TMPRSS15: variants seen among roughly 807,000 people sequenced by gnomAD.
TMPRSS15 encodes transmembrane serine protease 15.
TMPRSS15 carries 128 observed loss-of-function variants against 125.3 expected under a neutral mutation model. The ratio of observed to expected loss-of-function variants is 1.02; its 90% CI spans 0.89 to 1.18. The LOEUF (loss-of-function observed/expected upper bound fraction) is 1.18, where lower values mean the gene tolerates loss of function less well. Ranked by LOEUF, TMPRSS15 falls within the 50% of genes most tolerant of loss-of-function variation. The probability of loss-of-function intolerance (pLI) is 0.00; values close to 1 mark genes in which losing one functional copy is unlikely to be tolerated. For synonymous variants in TMPRSS15, 446 were observed against 423.2 expected, an observed-to-expected ratio of 1.05 and a Z score of -0.66; for missense variants, 1,283 against 1,212.7, an observed-to-expected ratio of 1.06 and a Z score of -0.86.
intron 1 of TMPRSS15, among the ~76,000 whole-genome samples, chr21:18,464,736 A>G (rs149163373): frequency 0.022 from 3,364 of 152,306 alleles, 54 homozygotes; most frequent in Non-Finnish European, 0.032. Context: ...TGAATAGACC[A>G]ATAACAATTT....
At chr21:18,434,181 A>G (rs1002066027) in intron 1 of TMPRSS15, among the ~76,000 whole-genome samples, 6 of 152,216 alleles carry the variant, frequency 3.9e-5, no homozygotes, top group African/African-American at 7.2e-5. Context: ...AGCTACTTCA[A>G]TAAAAGGAAG....
chr21:18,358,288 A>C (rs899119147), intron 8 of TMPRSS15, among the ~76,000 whole-genome samples: 1 of 151,908 alleles, frequency 6.6e-6, no homozygotes, highest in Non-Finnish European at 1.5e-5. Flanking sequence ...AGGGATGATA[A>C]TATCACCTAC....
At chr21:18,470,443 A>T (rs930127364) in intron 1 of TMPRSS15, among the ~76,000 whole-genome samples, 8 of 152,088 alleles carry the variant, frequency 5.3e-5, no homozygotes, top group African/African-American at 1.9e-4. Context: ...TCTAGATGAC[A>T]CGAAGAACTC....
chr21:18,396,223 C>T (rs1272366776), intron 3 of TMPRSS15, among the ~76,000 whole-genome samples: 2 of 152,058 alleles, frequency 1.3e-5, no homozygotes, highest in Non-Finnish European at 1.5e-5. Flanking sequence ...CATCTTGAGC[C>T]CACCCATCTA....
chr21:18,310,588 C>G (rs546638720), intron 18 of TMPRSS15, among the ~76,000 whole-genome samples: 1 of 151,972 alleles, frequency 6.6e-6, no homozygotes, highest in African/African-American at 2.4e-5. Context: ...GCATCCTATA[C>G]TCACGGATTG....
chr21:18,340,539 T>C (rs547813694), intron 13 of TMPRSS15, among the ~76,000 whole-genome samples: 2 of 152,206 alleles, frequency 1.3e-5, no homozygotes, highest in Non-Finnish European at 2.9e-5. Flanking sequence ...CTGTTTCATA[T>C]ACACATCTAT....
rs537737617 is a variant in TMPRSS15 at position 18,341,488 on chromosome 21, G to C, written c.1489C>G (p.Leu497Val). 3 of 1,614,146 alleles carry C rather than the reference G, an allele frequency of 1.9e-6. 1 individual carries two copies. The highest frequency in any genetic ancestry group is 2.2e-5 in the South Asian group (2 of 91,078). The change falls in exon 13 of 25, where the codon CTA becomes GTA. Residue 497 changes from leucine (L) to valine (V), a missense_variant. Coordinates refer to ENST00000284885, the MANE Select transcript of TMPRSS15 (RefSeq NM_002772.3). ...LSDIALDDIS[L>V]TYGICNGSLY... ...CTCCCATTGCAAATCCCATATGTTAGGCTAATGTCATCCAACGCAATATCA... is the reference window on the plus strand; with the variant it reads ...CTCCCATTGCAAATCCCATATGTTACGCTAATGTCATCCAACGCAATATCA...
chr21:18,459,171 C>G (rs1351040411), intron 1 of TMPRSS15, among the ~76,000 whole-genome samples: 1 of 152,100 alleles, frequency 6.6e-6, no homozygotes, highest in African/African-American at 2.4e-5. Flanking sequence ...AAATTTTCCC[C>G]CAGTTAATTT....
chr21:18,300,377 T>G (rs2074958355), intron 18 of TMPRSS15, among the ~76,000 whole-genome samples: 1 of 149,622 alleles, frequency 6.7e-6, no homozygotes, highest in Non-Finnish European at 1.5e-5. Context: ...TTGGATACTC[T>G]GTTGCCTAGG....
At chr21:18,458,870 G>T (rs1419012256) in intron 1 of TMPRSS15, among the ~76,000 whole-genome samples, 1 of 151,938 alleles carries the variant, frequency 6.6e-6, no homozygotes, top group African/African-American at 2.4e-5. Flanking sequence ...GTTTTCTAAA[G>T]TGAAAAATAT....
intron 17 of TMPRSS15, among the ~76,000 whole-genome samples, chr21:18,313,676 C>T (rs998231720): frequency 6.6e-6 from 1 of 151,628 alleles, no homozygotes; most frequent in Non-Finnish European, 1.5e-5. Context: ...GATGGAAGGT[C>T]TAATTTGAAA....
rs771074027 is a variant in TMPRSS15 at position 18,332,063 on chromosome 21, C to T, written c.1654+21G>A. The T allele has an allele frequency of 3.8e-5, 60 of 1,598,174 alleles. No individual in the cohort carries two copies. In the Middle Eastern group the frequency reaches 1.5e-3, roughly 40 times the overall value. ...TCATATGGACATTTGTTTCTGATGA[C>T]CTGGAAAAGAAATGACTCACAGAAA... On this transcript the variant is annotated intron_variant, in intron 14 of 24. Coordinates refer to ENST00000284885, the MANE Select transcript of TMPRSS15 (RefSeq NM_002772.3).
At chr21:18,277,956 CA>C (rs902295886) in intron 23 of TMPRSS15, among the ~76,000 whole-genome samples, 7 of 151,550 alleles carry the variant, frequency 4.6e-5, no homozygotes, top group Non-Finnish European at 1.0e-4. Context: ...GAATACTTTT[CA>C]AAAAAAAGTA....
intron 3 of TMPRSS15, among the ~76,000 whole-genome samples, chr21:18,389,376 C>G (rs537227660): frequency 3.3e-5 from 5 of 151,912 alleles, no homozygotes; most frequent in African/African-American, 1.2e-4. Flanking sequence ...AGTAGCACAG[C>G]TACCACCAGG....
At chr21:18,358,168 A>G (rs867593463) in intron 8 of TMPRSS15, among the ~76,000 whole-genome samples, 4 of 151,848 alleles carry the variant, frequency 2.6e-5, no homozygotes, top group Admixed American at 2.6e-4. Context: ...TGAAAATAAT[A>G]TTTAGACAGA....
intron 1 of TMPRSS15, among the ~76,000 whole-genome samples, chr21:18,474,549 C>G (rs1978841694): frequency 6.6e-6 from 1 of 152,092 alleles, no homozygotes; most frequent in Non-Finnish European, 1.5e-5. Context: ...CTCGGCCTCC[C>G]AAAGTGCTGA....
At chr21:18,420,124 T>G (rs565283992) in intron 1 of TMPRSS15, among the ~76,000 whole-genome samples, 158 of 152,344 alleles carry the variant, frequency 1.0e-3, no homozygotes, top group African/African-American at 3.7e-3. Context: ...AGACTAGACA[T>G]GAAAAATTTG....
At chr21:18,480,925 C>T (rs1438385904) in intron 1 of TMPRSS15, among the ~76,000 whole-genome samples, 1 of 151,790 alleles carries the variant, frequency 6.6e-6, no homozygotes, top group African/African-American at 2.4e-5. Context: ...AAAAAGATAG[C>T]ATAATGAAAG....
At chr21:18,337,399 C>T (rs2075402790) in intron 13 of TMPRSS15, among the ~76,000 whole-genome samples, 1 of 152,134 alleles carries the variant, frequency 6.6e-6, no homozygotes, top group Non-Finnish European at 1.5e-5. Context: ...TTTGTATACA[C>T]CTATTTCTAT....
Sources: allele counts gnomAD v4.1 joint callset (sites outside exome capture counted in the v4.1 genomes callset), GRCh38; gene constraint gnomAD v4.1.1; transcripts MANE v1.5; gene names NCBI Gene and HGNC (gene_info 2026-07-23, HGNC 2026-07-21).